SEMA6A: variants seen among roughly 807,000 people sequenced by gnomAD.
SEMA6A encodes semaphorin-6A.
Under a neutral mutation model 96.8 loss-of-function variants are expected in SEMA6A, and 25 were observed. The observed-to-expected ratio is 0.26, with a 90% CI of 0.19 to 0.36. The LOEUF is 0.36. SEMA6A is among the 10% of genes least tolerant of loss of function. The pLI is 1.00. For synonymous variants in SEMA6A, 612 were observed against 518.0 expected, an observed-to-expected ratio of 1.18 and a Z score of -2.46; for missense variants, 1,363 against 1,323.1, an observed-to-expected ratio of 1.03 and a Z score of -0.47.
intron 10 of SEMA6A, among the ~76,000 whole-genome samples, chr5:116,485,410 G>T (rs983142900): frequency 6.6e-6 from 1 of 152,174 alleles, no homozygotes; most frequent in Admixed American, 6.5e-5. Flanking sequence ...TCTGATGTAT[G>T]AGCAATAAAA....
At chr5:116,504,582 C>A (rs154575) in intron 2 of SEMA6A, among the ~76,000 whole-genome samples, 73,807 of 151,998 alleles carry the variant, frequency 0.49, 19,960 homozygotes, top group Middle Eastern at 0.62. Context: ...ATGAACACGG[C>A]AGCCTCGATG....
intron 18 of SEMA6A, 93 bp from the exon 19 acceptor site, chr5:116,447,904 G>T: frequency 9.6e-7 from 1 of 1,038,328 alleles, no homozygotes; most frequent in African/African-American, 1.6e-5. Flanking sequence ...AATAACAGTA[G>T]TAAGTGACAA....
intron 18 of SEMA6A, chr5:116,449,275 A>G (rs796869966): frequency 2.8e-6 from 2 of 702,082 alleles, no homozygotes; most frequent in African/African-American, 1.7e-5. Flanking sequence ...AAATGTAAAC[A>G]TTGTTCCTAT....
At chr5:116,570,945 C>T (rs1414905039) in intron 1 of SEMA6A, among the ~76,000 whole-genome samples, 1 of 152,196 alleles carries the variant, frequency 6.6e-6, no homozygotes, top group Non-Finnish European at 1.5e-5. Flanking sequence ...CATTAGACTT[C>T]ACTAGTGCAA....
chr5:116,541,914 A>T (rs1232269389), intron 1 of SEMA6A, among the ~76,000 whole-genome samples: 1 of 152,220 alleles, frequency 6.6e-6, no homozygotes, highest in African/African-American at 2.4e-5. Context: ...TAGGGAAGAA[A>T]AAGAACGTAA....
In SEMA6A at chr5:116,574,745, G is replaced by C. The variant is rs914001204; in HGVS notation, c.-599C>G. 2 of 152,396 alleles carry C rather than the reference G, an allele frequency of 1.3e-5. No individual in the cohort carries two copies. The highest frequency in any genetic ancestry group is 4.8e-5 in the African/African-American group (2 of 41,476). The allele number at this position is 152,396 out of a possible 1,614,324, so 9.4% of individuals were successfully genotyped here. A position where few individuals can be genotyped will look rare whatever the true frequency, so the allele number is the denominator to read the frequency against. On this transcript the variant is annotated 5_prime_UTR_variant, in exon 1 of 19. Transcript: ENST00000343348. ...CACCGCGGAGGAGCGCCGCTGCTGG[G>C]TTCCGAGCGCCTGGGCAGCCGAGTG...
chr5:116,530,596 C>G (rs566939646), intron 1 of SEMA6A, among the ~76,000 whole-genome samples: 227 of 152,096 alleles, frequency 1.5e-3, no homozygotes, highest in African/African-American at 4.4e-3. Context: ...ATTTTAGAAG[C>G]TTATTTTTAA....
At chr5:116,566,109 T>A (rs1761016535) in intron 1 of SEMA6A, among the ~76,000 whole-genome samples, 1 of 152,204 alleles carries the variant, frequency 6.6e-6, no homozygotes, top group African/African-American at 2.4e-5. Flanking sequence ...TCTAACAATG[T>A]TTATTTTCCA....
At chr5:116,568,916 G>C (rs1484292742) in intron 1 of SEMA6A, among the ~76,000 whole-genome samples, 1 of 152,066 alleles carries the variant, frequency 6.6e-6, no homozygotes. Flanking sequence ...ACATGATATA[G>C]AAAAACAAAG....
chr5:116,527,941 C>T (rs997478095), intron 1 of SEMA6A, among the ~76,000 whole-genome samples: 2 of 152,010 alleles, frequency 1.3e-5, no homozygotes, highest in South Asian at 4.1e-4. Flanking sequence ...AACAAAGATG[C>T]GAATTAGAGA....
chr5:116,554,708 C>A (rs1366262983), intron 1 of SEMA6A: 2 of 152,166 alleles, frequency 1.3e-5, no homozygotes, highest in Non-Finnish European at 2.9e-5. Context: ...TACATACAAG[C>A]ATATATACAT....
chr5:116,561,402 AT>A (rs1760814750), intron 1 of SEMA6A, among the ~76,000 whole-genome samples: 2 of 152,170 alleles, frequency 1.3e-5, no homozygotes, highest in Non-Finnish European at 2.9e-5. Flanking sequence ...GAGCCAATCT[AT>A]TCTCTCCCCA....
chr5:116,463,130 A>G (rs1755521835), intron 18 of SEMA6A, among the ~76,000 whole-genome samples: 1 of 152,220 alleles, frequency 6.6e-6, no homozygotes, highest in Admixed American at 6.5e-5. Flanking sequence ...CTCTTTGTCA[A>G]AAAGAGATAG....
At chr5:116,455,107 G>A (rs1754924839) in intron 18 of SEMA6A, among the ~76,000 whole-genome samples, 1 of 152,162 alleles carries the variant, frequency 6.6e-6, no homozygotes. Context: ...AAGGGAGAAT[G>A]AGCCTGGAAT....
intron 1 of SEMA6A, chr5:116,554,805 C>T (rs1456413385): frequency 6.6e-6 from 1 of 151,492 alleles, no homozygotes; most frequent in African/African-American, 2.4e-5. Flanking sequence ...AAGCTCAGTT[C>T]CCCAACAGGG....
In SEMA6A at chr5:116,574,560, C is replaced by A. The variant is rs1314138864; in HGVS notation, c.-414G>T. 1 of 143,494 alleles carries A rather than the reference C, an allele frequency of 7.0e-6. No homozygotes were observed. Among genetic ancestry groups the A allele is most frequent in the Non-Finnish European group, 1.5e-5 (1 of 67,218 alleles). 8.9% of individuals were successfully genotyped at this position (143,494 alleles called of 1,614,324 possible). Reference sequence around the variant, plus strand: ...CTTCGGTGAGTCCCCTTGGTGGTGTCTGCGCCGATTAACAAGTCATTTCAG... The same window carrying A: ...CTTCGGTGAGTCCCCTTGGTGGTGTATGCGCCGATTAACAAGTCATTTCAG... On this transcript the variant is annotated 5_prime_UTR_variant, in exon 1 of 19. Transcript: ENST00000343348.
chr5:116,460,277 A>G (rs1434232472), intron 18 of SEMA6A, among the ~76,000 whole-genome samples: 1 of 152,140 alleles, frequency 6.6e-6, no homozygotes, highest in African/African-American at 2.4e-5. Flanking sequence ...TAATCTTTAA[A>G]TTACTCTTTA....
intron 1 of SEMA6A, among the ~76,000 whole-genome samples, chr5:116,515,661 A>C (rs1170474223): frequency 6.6e-6 from 1 of 152,086 alleles, no homozygotes; most frequent in African/African-American, 2.4e-5. Flanking sequence ...TGACAGGACG[A>C]CTCTCCCTAA....
At chr5:116,469,174 T>C (rs1425080040) in intron 17 of SEMA6A, 1 of 152,106 alleles carries the variant, frequency 6.6e-6, no homozygotes, top group Non-Finnish European at 1.5e-5. Flanking sequence ...ATTGAAGAGG[T>C]CCCTTTCTGT....
Sources: allele counts gnomAD v4.1 joint callset (sites outside exome capture counted in the v4.1 genomes callset), GRCh38; gene constraint gnomAD v4.1.1; transcripts MANE v1.5; gene names NCBI Gene and HGNC (gene_info 2026-07-23, HGNC 2026-07-21).